The following MBD6 variants were observed in gnomAD, a reference collection of about 807,000 sequenced individuals.
The protein encoded by MBD6 is methyl-CpG binding domain protein 6, also known as methyl-CpG-binding domain protein 6.
Under a neutral mutation model 66.8 loss-of-function variants are expected in MBD6, and 22 were observed. The ratio of observed to expected loss-of-function variants is 0.33; its 90% CI spans 0.24 to 0.47. MBD6 has a LOEUF of 0.47. Ranked by LOEUF, MBD6 falls within the 20% of genes least tolerant of loss-of-function variation. The pLI, the probability that MBD6 is intolerant of heterozygous loss-of-function variation, is 1.00. For missense variants in MBD6, 1,322 were observed against 1,286.9 expected (o/e 1.03, Z -0.42); for synonymous variants, 540 against 534.6 (o/e 1.01, Z -0.14).
intron 5 of MBD6, 99 bp from the exon 6 acceptor site, chr12:57,525,249 C>T (rs2140077736): frequency 1.3e-6 from 2 of 1,482,488 alleles, no homozygotes; most frequent in Non-Finnish European, 1.8e-6. Flanking sequence ...AAGGAGGGCA[C>T]AGGGAGGTTG....
In MBD6 at chr12:57,530,129, G is replaced by A. The variant is rs1879502608; in HGVS notation, c.*895G>A. The stretch of plus-strand genomic sequence containing the variant: ...GGGAGACACTCTTAATTTAACAGAT[G>A]AGAATATTTTGAAACTCTGGCTCTG... On this transcript the variant is annotated 3_prime_UTR_variant, in exon 13 of 13. Coordinates refer to ENST00000355673, the MANE Select transcript of MBD6 (RefSeq NM_052897.4). 6.6e-6 allele frequency: 1 copy of A among 152,498 alleles called. No homozygotes were observed. Among genetic ancestry groups the A allele is most frequent in the African/African-American group, 2.4e-5 (1 of 41,454 alleles). 9.4% of individuals were successfully genotyped at this position (152,498 alleles called of 1,614,324 possible). A position where few individuals can be genotyped will look rare whatever the true frequency, so the allele number is the denominator to read the frequency against.
At position 57,528,229 on chromosome 12, in the gene MBD6, C is replaced by T; in HGVS notation, c.2489C>T (p.Pro830Leu). The T allele has an allele frequency of 2.5e-6, 4 of 1,608,598 alleles. No individual in the cohort carries two copies. The highest frequency in any genetic ancestry group is 3.4e-6 in the Non-Finnish European group (4 of 1,177,646). ...SALEPEPARP[P>L]LSALAPPHGS... ...CTCGAACCAGAGCCTGCCAGGCCTC[C>T]CCTCAGTGCCTTAGCCCCACCCCAT... Residue 830 changes from proline (P) to leucine (L), a missense_variant, in exon 10 of 13, where the codon CCC becomes CTC. Coordinates refer to ENST00000355673, the MANE Select transcript of MBD6 (RefSeq NM_052897.4).
chr12:57,529,056 A>C (rs1337892983), intron 12 of MBD6, 47 bp downstream of exon 12: 1 of 1,613,692 alleles, frequency 6.2e-7, no homozygotes. Context: ...GGTGTAAGGG[A>C]TGAGGCGGCA....
rs781358520 is a variant in MBD6, at chr12:57,524,809, T to TTAA, written c.205_207dup (p.Asn69dup). 1 of 1,614,232 alleles carries TTAA rather than the reference T, an allele frequency of 6.2e-7. No homozygotes were observed. The highest frequency in any genetic ancestry group is 8.5e-7 in the Non-Finnish European group (1 of 1,180,028). ...TGCAAGTGCGGTCTGGAGTGTCCAC[T>TTAA]TAATGTCCCCAAGGTCAGAGTGGTG... On this transcript the variant is annotated inframe_insertion, in exon 4 of 13. Transcript: ENST00000355673.
Position 57,528,649 on chromosome 12 carries a change from A to T in MBD6, c.2821-17A>T. On this transcript the variant is annotated splice_polypyrimidine_tract_variant and intron_variant, in intron 10 of 12. Transcript: ENST00000355673. ...CTTTTTCGAAATTTCCCACACACAT[A>T]GTCCATCTTTTCTCAGGTGCCCCCG... The T allele has an allele frequency of 6.2e-7, 1 of 1,614,004 alleles. No individual in the cohort carries two copies. Among genetic ancestry groups the T allele is most frequent in the Non-Finnish European group, 8.5e-7 (1 of 1,179,990 alleles).
chr12:57,527,961 C>T lies in MBD6; in HGVS notation c.2350C>T (p.Pro784Ser). The change falls in exon 9 of 13, where the codon CCT becomes TCT. Residue 784 changes from proline (P) to serine (S), a missense_variant. Pro to Ser is a moderately conservative substitution (Grantham distance 74, BLOSUM62 -1). Coordinates refer to ENST00000355673, the MANE Select transcript of MBD6 (RefSeq NM_052897.4). The part of the protein sequence containing the change: ...GLQLLPGGGA[P>S]PPLSEASSPL... ...GCAGCTCCTCCCTGGGGGGGGAGCTCCTCCACCCCTCTCAGAGGCTTCTAG... is the reference window on the plus strand; with the variant it reads ...GCAGCTCCTCCCTGGGGGGGGAGCTTCTCCACCCCTCTCAGAGGCTTCTAG... The T allele has an allele frequency of 1.9e-6, 3 of 1,585,976 alleles. No individual in the cohort carries two copies. The highest frequency in any genetic ancestry group is 8.6e-7 in the Non-Finnish European group (1 of 1,168,570).
chr12:57,521,686 T>G (rs1198320301), upstream of MBD6: 1 of 152,254 alleles, frequency 6.6e-6, no homozygotes, highest in Non-Finnish European at 1.5e-5. Context: ...GGCCACCTAT[T>G]TTCCCCCACG....
In MBD6 at chr12:57,525,387, C is replaced by A. The variant is rs1260542020; in HGVS notation, c.419C>A (p.Pro140Gln). 1.9e-6 allele frequency: 3 copies of A among 1,550,850 alleles called. No individual in the cohort carries two copies. Among genetic ancestry groups the A allele is most frequent in the Non-Finnish European group, 2.6e-6 (3 of 1,155,524 alleles). The change falls in exon 6 of 13, where the codon CCA becomes CAA. Residue 140 changes from proline to glutamine, a missense_variant. Physicochemically the swap from Pro to Gln is moderately conservative, Grantham distance 76. Transcript: ENST00000355673. The part of the protein sequence containing the change: ...ASPQMFHTVS[P>Q]GPPSARPPCR... ...CCCCAAATGTTCCACACTGTGTCCCCAGGGCCCCCCTCTGCCCGCCCTCCC... is the reference window on the plus strand; with the variant it reads ...CCCCAAATGTTCCACACTGTGTCCCAAGGGCCCCCCTCTGCCCGCCCTCCC...
intron 5 of MBD6, 85 bp downstream of exon 5, chr12:57,525,200 GCAAA>G: frequency 5.9e-6 from 9 of 1,537,932 alleles, no homozygotes; most frequent in Non-Finnish European, 7.9e-6. Context: ...TTGAGAGGGA[GCAAA>G]GAGAAAGGGG....
Position 57,525,744 on chromosome 12 carries a change from C to T in MBD6, c.776C>T (p.Pro259Leu). 6 of 1,614,024 alleles carry T rather than the reference C, an allele frequency of 3.7e-6. No individual in the cohort carries two copies. The highest frequency in any genetic ancestry group is 2.7e-5 in the African/African-American group (2 of 74,992). ...TCCTCCTCACCACCTTCAGACCCTCCTCTCTTCCACTGTAGTGATGCCTTA... is the reference window on the plus strand; with the variant it reads ...TCCTCCTCACCACCTTCAGACCCTCTTCTCTTCCACTGTAGTGATGCCTTA... ...HASSSPPSDPPLFHCSDALTP... is the reference protein window; with the variant it reads ...HASSSPPSDPLLFHCSDALTP... Residue 259 changes from proline to leucine, a missense_variant, in exon 6 of 13, where the codon CCT (proline) becomes CTT (leucine). Transcript: ENST00000355673.
At chr12:57,528,117 TTGAC>T (rs2140095194) in intron 9 of MBD6, 26 bp from the exon 10 acceptor site, 1 of 1,558,384 alleles carries the variant, frequency 6.4e-7, no homozygotes, top group Non-Finnish European at 8.6e-7. Context: ...GTATTTGAGA[TTGAC>T]TGAGAACTTA....
At chr12:57,525,298 T>G in intron 5 of MBD6, 50 bp from the exon 6 acceptor site, 1 of 1,524,548 alleles carries the variant, frequency 6.6e-7, no homozygotes, top group Non-Finnish European at 8.8e-7. Flanking sequence ...GACAAAAGAG[T>G]TTTTGGAAGG....
chr12:57,527,725 A>G (rs959478846), intron 8 of MBD6, 65 bp downstream of exon 8: 35 of 1,556,712 alleles, frequency 2.2e-5, no homozygotes, highest in African/African-American at 6.9e-5. Context: ...ACTTGGGAGT[A>G]GTGGCTGAAT....
downstream of MBD6, among the ~76,000 whole-genome samples, chr12:57,531,279 T>C (rs1173742525): frequency 2.6e-5 from 4 of 152,040 alleles, no homozygotes; most frequent in Non-Finnish European, 5.9e-5. Flanking sequence ...CTCAGCACTT[T>C]GGGAGGCCGA....
rs971682765 is a variant in MBD6, at chr12:57,525,360, G to T, written c.392G>T (p.Ser131Ile). Residue 131 changes from serine (S) to isoleucine (I), a missense_variant, in exon 6 of 13, where the codon AGC becomes ATC. Physicochemically the swap from Ser to Ile is moderately radical, Grantham distance 142. Transcript: ENST00000355673. The stretch of plus-strand genomic sequence containing the variant: ...TCATTTATTGCAGGAGAGGGAGCGA[G>T]CCCCCAAATGTTCCACACTGTGTCC... ...CSHSSPGEGA[S>I]PQMFHTVSPG... The T allele has an allele frequency of 4.5e-6, 7 of 1,563,240 alleles. No individual in the cohort carries two copies. Among genetic ancestry groups the T allele is most frequent in the Non-Finnish European group, 5.2e-6 (6 of 1,161,030 alleles).
chr12:57,528,378 C>A lies in MBD6; in HGVS notation c.2638C>A (p.Pro880Thr). ...GGCCAGGCCAGCCCGGGGCCGAAAG[C>A]CTGGCAGCCGGCGGGAGCCTGGCCG... ...GEARPARGRK[P>T]GSRREPGRLA... The change falls in exon 10 of 13, where the codon CCT (proline) becomes ACT (threonine). Residue 880 changes from proline to threonine, a missense_variant. Pro to Thr is a conservative substitution (Grantham distance 38, BLOSUM62 -1). Transcript: ENST00000355673. 1.9e-6 allele frequency: 3 copies of A among 1,612,796 alleles called. No homozygotes were observed. Among genetic ancestry groups the A allele is most frequent in the Non-Finnish European group, 2.5e-6 (3 of 1,179,860 alleles).
rs1303835140 is a variant in MBD6, at chr12:57,527,129, C to A, written c.1984C>A (p.Leu662Ile). ...TTCAGGCTTGGGAGACCTGTCCCCC[C>A]TACTTTTCCCCCCACTTTCAGCCCC... Reference protein sequence around the residue: ...PFSGLGDLSPLLFPPLSAPPT... With the variant: ...PFSGLGDLSPILFPPLSAPPT... The change falls in exon 7 of 13, where the codon CTA becomes ATA. Residue 662 changes from leucine (L) to isoleucine (I), a missense_variant. Transcript: ENST00000355673. 8.5e-6 allele frequency: 13 copies of A among 1,536,862 alleles called. No homozygotes were observed. The highest frequency in any genetic ancestry group is 1.1e-5 in the Non-Finnish European group (12 of 1,130,110).
At position 57,525,104 on chromosome 12, in the gene MBD6, A is replaced by C; in HGVS notation, c.368A>C (p.His123Pro). Reference protein sequence around the residue: ...LYRSMETTCSHSSPGEGASPQ... With the variant: ...LYRSMETTCSPSSPGEGASPQ... ...CGCAGCATGGAGACCACCTGCTCACACTCTTCTCCTGGTGAGTCTTCTGCC... is the reference window on the plus strand; with the variant it reads ...CGCAGCATGGAGACCACCTGCTCACCCTCTTCTCCTGGTGAGTCTTCTGCC... The change falls in exon 5 of 13, where the codon CAC becomes CCC. Residue 123 changes from histidine (H) to proline (P), a missense_variant. Physicochemically the swap from His to Pro is moderately conservative, Grantham distance 77 (BLOSUM62 -2). Coordinates refer to ENST00000355673, the MANE Select transcript of MBD6 (RefSeq NM_052897.4). The C allele has an allele frequency of 6.2e-7, 1 of 1,607,652 alleles. No homozygotes were observed. The highest frequency in any genetic ancestry group is 1.1e-5 in the South Asian group (1 of 90,612).
Position 57,527,132 on chromosome 12 carries a change from C to T in MBD6, c.1987C>T (p.Leu663Phe). Residue 663 changes from leucine (L) to phenylalanine (F), a missense_variant, in exon 7 of 13, where the codon CTT becomes TTT. Leu to Phe is a conservative substitution (Grantham distance 22, BLOSUM62 0). Transcript: ENST00000355673. ...AGGCTTGGGAGACCTGTCCCCCCTA[C>T]TTTTCCCCCCACTTTCAGCCCCCCC... ...FSGLGDLSPL[L>F]FPPLSAPPTL... The T allele has an allele frequency of 6.5e-7, 1 of 1,534,174 alleles. No individual in the cohort carries two copies. Among genetic ancestry groups the T allele is most frequent in the South Asian group, 1.2e-5 (1 of 82,628 alleles).
Sources: gnomAD v4.1 joint callset for allele counts (sites outside exome capture counted in the v4.1 genomes callset) on GRCh38, gnomAD v4.1.1 for gene constraint, MANE v1.5 for transcripts, NCBI Gene and HGNC (gene_info 2026-07-23, HGNC 2026-07-21) for gene names.